The following GRM7 variants were observed in gnomAD, a reference collection of about 807,000 sequenced individuals.
The protein encoded by GRM7 is metabotropic glutamate receptor 7.
Under a neutral mutation model 84.5 loss-of-function variants are expected in GRM7, and 35 were observed. That is an observed-to-expected ratio of 0.41 (90% CI 0.32 to 0.55). The LOEUF is 0.55. GRM7 is among the 20% of genes least tolerant of loss of function. The pLI is 0.19. For synonymous variants in GRM7, 487 were observed against 455.1 expected, an observed-to-expected ratio of 1.07 and a Z score of -0.89; for missense variants, 1,003 against 1,194.6, an observed-to-expected ratio of 0.84 and a Z score of 2.36.
chr3:7,704,845 T>G (rs146975820), intron 9 of GRM7, among the ~76,000 whole-genome samples: 36 of 152,282 alleles, frequency 2.4e-4, no homozygotes, highest in African/African-American at 8.4e-4. Context: ...GTGGAACATA[T>G]GTACTGAACC....
intron 1 of GRM7, among the ~76,000 whole-genome samples, chr3:6,889,961 G>C (rs1052362616): frequency 1.3e-5 from 2 of 152,160 alleles, no homozygotes; most frequent in East Asian, 3.9e-4. Context: ...TTAGTCTTGG[G>C]AGGGTGTACG....
intron 9 of GRM7, among the ~76,000 whole-genome samples, chr3:7,737,227 T>G (rs377198148): frequency 2.9e-4 from 44 of 152,302 alleles, no homozygotes; most frequent in African/African-American, 8.9e-4. Flanking sequence ...CTTTCTTAAG[T>G]AGCAATGGTG....
intron 1 of GRM7, among the ~76,000 whole-genome samples, chr3:6,866,473 T>C (rs1694942480): frequency 1.3e-5 from 2 of 152,210 alleles, no homozygotes; most frequent in South Asian, 4.1e-4. Flanking sequence ...GTGGGAACTT[T>C]TAAAATATAT....
At chr3:7,697,350 G>A (rs1701059943) in intron 9 of GRM7, among the ~76,000 whole-genome samples, 1 of 152,036 alleles carries the variant, frequency 6.6e-6, no homozygotes, top group Admixed American at 6.6e-5. Flanking sequence ...ATCTCACTGA[G>A]GTAGGTGTCA....
At chr3:7,661,794 CAA>C (rs71043686) in intron 8 of GRM7, among the ~76,000 whole-genome samples, 51 of 28,196 alleles carry the variant, frequency 1.8e-3, no homozygotes, top group South Asian at 7.5e-3. Flanking sequence ...GTCTCCGTCT[CAA>C]AAAAAAAAAA....
intron 1 of GRM7, among the ~76,000 whole-genome samples, chr3:7,131,877 A>G (rs1693613141): frequency 6.6e-6 from 1 of 152,208 alleles, no homozygotes; most frequent in African/African-American, 2.4e-5. Context: ...TGTTTATTTT[A>G]TCACCTTGCC....
chr3:6,890,221 C>G (rs1364047499), intron 1 of GRM7, among the ~76,000 whole-genome samples: 1 of 152,032 alleles, frequency 6.6e-6, no homozygotes, highest in African/African-American at 2.4e-5. Flanking sequence ...TTTTTTGTGT[C>G]TCTATTTCCT....
At chr3:7,141,042 G>A (rs904647742) in intron 1 of GRM7, among the ~76,000 whole-genome samples, 2 of 151,962 alleles carry the variant, frequency 1.3e-5, no homozygotes, top group African/African-American at 4.8e-5. Flanking sequence ...TTCAAGATAA[G>A]AAATTAGAAT....
At position 7,499,423 on chromosome 3, in the gene GRM7, C is replaced by T. The variant is rs746190046; in HGVS notation, c.1515+37701C>T. ...TGCAGACCTTTACAAAACCATCAAA[C>T]GCTGTAATCTAGAGATCCCTGATAG... On this transcript the variant is annotated intron_variant, in intron 7 of 9. Coordinates refer to ENST00000357716, the MANE Select transcript of GRM7 (RefSeq NM_000844.4). 6.8e-4 allele frequency among the ~76,000 whole-genome samples: 104 copies of T among 152,156 alleles called. 1 individual carries two copies. Among genetic ancestry groups the T allele is most frequent in the Admixed American group, 1.6e-3 (25 of 15,276 alleles).
At chr3:7,030,634 A>G (rs1696153009) in intron 1 of GRM7, among the ~76,000 whole-genome samples, 1 of 152,182 alleles carries the variant, frequency 6.6e-6, no homozygotes, top group South Asian at 2.1e-4. Flanking sequence ...ATTCACAGTC[A>G]TTTGATCAAA....
chr3:7,402,499 C>T lies in GRM7; in HGVS notation c.1034-12524C>T, dbSNP rs192939566. On this transcript the variant is annotated intron_variant, in intron 4 of 9. Transcript: ENST00000357716. ...GATCCTGCATGAAGACATTTGTTTA[C>T]GAGCCATCTATTCTCATTTTTACAC... Among the ~76,000 whole-genome samples the T allele has an allele frequency of 2.2e-4, 34 of 152,178 alleles. No homozygotes were observed. In the East Asian group the frequency reaches 4.6e-3, roughly 21 times the overall value.
chr3:7,686,363 T>A (rs1233275624), intron 9 of GRM7: 2 of 1,372,150 alleles, frequency 1.5e-6, no homozygotes, highest in African/African-American at 1.4e-5. Context: ...GTAGACTGTA[T>A]ACCACCAGTA....
intron 2 of GRM7, among the ~76,000 whole-genome samples, chr3:7,264,708 A>G (rs1575098670): frequency 6.6e-6 from 1 of 152,236 alleles, no homozygotes; most frequent in African/African-American, 2.4e-5. Context: ...TGTCTAGCTG[A>G]CCATCTTGCC....
intron 4 of GRM7, among the ~76,000 whole-genome samples, chr3:7,412,625 A>G (rs535233027): frequency 6.6e-6 from 1 of 152,144 alleles, no homozygotes; most frequent in African/African-American, 2.4e-5. Context: ...GCTAAAGTCC[A>G]TTTCATTTTC....
At chr3:7,479,589 G>A (rs529471030) in intron 7 of GRM7, among the ~76,000 whole-genome samples, 122 of 152,246 alleles carry the variant, frequency 8.0e-4, no homozygotes, top group African/African-American at 2.8e-3. Context: ...TGAACAATAA[G>A]TGAAAAGAGT....
chr3:7,216,624 C>G (rs559505412), intron 2 of GRM7, among the ~76,000 whole-genome samples: 19 of 152,278 alleles, frequency 1.2e-4, no homozygotes, highest in Middle Eastern at 3.4e-3. Flanking sequence ...GTTACTAGTA[C>G]TGCCACCCTC....
chr3:7,396,090 T>C (rs1695202160), intron 4 of GRM7, among the ~76,000 whole-genome samples: 2 of 152,170 alleles, frequency 1.3e-5, no homozygotes, highest in African/African-American at 4.8e-5. Flanking sequence ...ATATTCTCTC[T>C]TAATTCATGA....
intron 1 of GRM7, among the ~76,000 whole-genome samples, chr3:7,107,401 A>G (rs1376957947): frequency 1.3e-5 from 2 of 152,094 alleles, no homozygotes; most frequent in South Asian, 2.1e-4. Context: ...TATTATATGG[A>G]TGAACATTCT....
At chr3:6,989,142 A>G (rs139703660) in intron 1 of GRM7, among the ~76,000 whole-genome samples, 1 of 152,336 alleles carries the variant, frequency 6.6e-6, no homozygotes, top group East Asian at 1.9e-4. Context: ...GAACCTTTTT[A>G]CACAAAGCAT....
Sources: allele counts gnomAD v4.1 joint callset (sites outside exome capture counted in the v4.1 genomes callset), GRCh38; gene constraint gnomAD v4.1.1; transcripts MANE v1.5; gene names NCBI Gene and HGNC (gene_info 2026-07-23, HGNC 2026-07-21).